The following LSP1 variants were observed in gnomAD, a reference collection of about 807,000 sequenced individuals.
LSP1 encodes lymphocyte-specific protein 1.
In LSP1, 32 loss-of-function variants were observed where a neutral mutation model predicts 49.3. The observed-to-expected ratio is 0.65, with a 90% confidence interval of 0.49 to 0.87. The LOEUF is 0.87. LSP1 is among the 40% of genes least tolerant of loss of function. The pLI is 0.00. For synonymous variants in LSP1, 179 were observed against 178.8 expected (o/e 1.00, Z -0.01); for missense variants, 428 against 442.6 (o/e 0.97, Z 0.30).
chr11:1,853,913 A>G lies in LSP1; in HGVS notation c.53+716A>G, dbSNP rs889582379. Among the ~76,000 whole-genome samples, 3 of 152,110 alleles carry G rather than the reference A, an allele frequency of 2.0e-5. No homozygotes were observed. The East Asian group carries it at 5.8e-4, about 29-fold the overall frequency. On this transcript the variant is annotated intron_variant, in intron 1 of 10. Transcript: ENST00000311604. ...CGGGCAGCTGTACTCTGTGGTACCAATGGGCATCCAGCCCTGTGCTGGGGT... is the reference window on the plus strand; with the variant it reads ...CGGGCAGCTGTACTCTGTGGTACCAGTGGGCATCCAGCCCTGTGCTGGGGT...
At chr11:1,885,963 C>G (rs539596135) in intron 7 of LSP1, among the ~76,000 whole-genome samples, 5 of 151,854 alleles carry the variant, frequency 3.3e-5, no homozygotes, top group African/African-American at 7.3e-5. Context: ...CAACCAACAT[C>G]CTTCTATCCA....
chr11:1,887,642 C>A, intron 10 of LSP1, 66 bp downstream of exon 10: 1 of 1,341,262 alleles, frequency 7.5e-7, no homozygotes, highest in African/African-American at 1.5e-5. Flanking sequence ...GGGAACTTGG[C>A]AACCTGGAGG....
At chr11:1,858,642 G>A (rs1285811395) in intron 1 of LSP1, among the ~76,000 whole-genome samples, 1 of 152,220 alleles carries the variant, frequency 6.6e-6, no homozygotes, top group Non-Finnish European at 1.5e-5. Context: ...AGAGGGAAGC[G>A]AGCGGGCTGG....
chr11:1,870,075 G>A (rs984853204), intron 1 of LSP1: 11 of 450,470 alleles, frequency 2.4e-5, no homozygotes, highest in African/African-American at 1.2e-4. Flanking sequence ...CGCCCCTGGC[G>A]ACCATTGTGA....
In LSP1 at chr11:1,887,566, G is replaced by C. The variant is rs371796282; in HGVS notation, c.*3G>C. Reference sequence around the variant, plus strand: ...TGGAAGGGGGCCCGGCTCCCTAGGCGTCCCATCTCGGTGAGTCCCTGGCAA... The same window carrying C: ...TGGAAGGGGGCCCGGCTCCCTAGGCCTCCCATCTCGGTGAGTCCCTGGCAA... On this transcript the variant is annotated 3_prime_UTR_variant, in exon 10 of 11. Coordinates refer to ENST00000311604, the MANE Select transcript of LSP1 (RefSeq NM_002339.3). 4.3e-6 allele frequency: 7 copies of C among 1,613,354 alleles called. No individual in the cohort carries two copies. Among genetic ancestry groups the C allele is most frequent in the Non-Finnish European group, 5.9e-6 (7 of 1,179,730 alleles).
intron 1 of LSP1, chr11:1,870,703 G>T: frequency 2.0e-6 from 2 of 1,020,610 alleles, no homozygotes; most frequent in Non-Finnish European, 2.4e-6. Context: ...CTCTGGTTGC[G>T]TGGAGGATGG....
In LSP1 at chr11:1,889,682, G is replaced by T. The variant is rs971881295; in HGVS notation, c.*14-2091G>T. ...ACACTCGCTCGGCCTCAGCGGCGGG[G>T]CCAGCCATCGGGGGCTCCTCCAGGT... On this transcript the variant is annotated intron_variant, in intron 10 of 10. Transcript: ENST00000311604. 1.3e-5 allele frequency: 8 copies of T among 635,304 alleles called. No homozygotes were observed. In the African/African-American group the frequency reaches 1.5e-4, roughly 12 times the overall value. The allele number at this position is 635,304 out of a possible 1,614,324, so 39.4% of individuals were successfully genotyped here. A position where few individuals can be genotyped will look rare whatever the true frequency, so the allele number is the denominator to read the frequency against.
intron 1 of LSP1, among the ~76,000 whole-genome samples, chr11:1,871,916 T>C (rs12793163): frequency 1.6e-3 from 158 of 100,508 alleles, no homozygotes; most frequent in Middle Eastern, 8.5e-3. Context: ...GCGTGGGCAC[T>C]TTTGGGAGGG....
In LSP1 at chr11:1,886,839, G is replaced by C. The variant is rs775783036; in HGVS notation, c.825G>C (p.Gln275His). 1.9e-6 allele frequency: 3 copies of C among 1,611,686 alleles called. No homozygotes were observed. Among genetic ancestry groups the C allele is most frequent in the Non-Finnish European group, 2.5e-6 (3 of 1,179,764 alleles). Reference sequence around the variant, plus strand: ...GGGAGACGGGTGAGGTACAGGCTCAGTCTGCGGCCAAGACTCCGTCCTGCA... The same window carrying C: ...GGGAGACGGGTGAGGTACAGGCTCACTCTGCGGCCAAGACTCCGTCCTGCA... ...SRWETGEVQA[Q>H]SAAKTPSCKD... The change falls in exon 8 of 11, where the codon CAG becomes CAC. Residue 275 changes from glutamine (Q) to histidine (H), a missense_variant. By Grantham distance (24) the Gln-to-His change is conservative. Coordinates refer to ENST00000311604, the MANE Select transcript of LSP1 (RefSeq NM_002339.3).
chr11:1,865,347 T>C (rs2133067587), intron 1 of LSP1: 1 of 581,926 alleles, frequency 1.7e-6, no homozygotes, highest in Non-Finnish European at 2.2e-6. Context: ...CCACTGGGCC[T>C]CCCCCCAGCT....
At chr11:1,877,537 C>T (rs936032557) in intron 1 of LSP1, among the ~76,000 whole-genome samples, 8 of 152,184 alleles carry the variant, frequency 5.3e-5, no homozygotes, top group South Asian at 2.1e-4. Flanking sequence ...ACCTGGGCCT[C>T]GTGCCAGGGC....
intron 10 of LSP1, chr11:1,889,740 T>C (rs1229996293): frequency 1.5e-6 from 1 of 656,912 alleles, no homozygotes; most frequent in African/African-American, 1.8e-5. Flanking sequence ...GACCAGGCTG[T>C]GCGGTGAGGA....
At chr11:1,880,319 G>C (rs1848486816) in intron 2 of LSP1, 95 bp downstream of exon 2, 2 of 1,378,606 alleles carry the variant, frequency 1.5e-6, no homozygotes, top group Non-Finnish European at 1.9e-6. Flanking sequence ...GGGCTTGGGG[G>C]TTCCAGTGCA....
intron 10 of LSP1, chr11:1,889,666 C>A: frequency 1.6e-6 from 1 of 632,082 alleles, no homozygotes; most frequent in Admixed American, 2.8e-5. Flanking sequence ...GACACTCGCT[C>A]GGCCTCAGCG....
Position 1,883,512 on chromosome 11 carries a change from T to G in LSP1, c.450T>G (p.Thr150=), listed in dbSNP as rs1298453737. 6.2e-7 allele frequency: 1 copy of G among 1,613,850 alleles called. No homozygotes were observed. Among genetic ancestry groups the G allele is most frequent in the Admixed American group, 1.7e-5 (1 of 60,012 alleles). The part of the protein sequence containing the change: ...LSKEGPGPED[T]VQDNLGAAGA... ...AGGAGGGGCCAGGCCCAGAGGACAC[T>G]GTCCAGGACAACCTGGGGGCCGCAG... The change falls in exon 4 of 11, where the codon ACT becomes ACG. Residue 150 remains threonine, a synonymous_variant. Transcript: ENST00000311604.
At chr11:1,855,263 G>T (rs1214405452) in intron 1 of LSP1, among the ~76,000 whole-genome samples, 1 of 152,204 alleles carries the variant, frequency 6.6e-6, no homozygotes, top group Non-Finnish European at 1.5e-5. Context: ...CTGCACCCAG[G>T]CAGGGATGTA....
intron 1 of LSP1, among the ~76,000 whole-genome samples, chr11:1,873,032 C>G (rs1301521615): frequency 1.3e-5 from 2 of 151,946 alleles, no homozygotes; most frequent in African/African-American, 2.4e-5. Context: ...CCCAGAGGAA[C>G]AGACCCCTCC....
Position 1,884,462 on chromosome 11 carries a change from T to G in LSP1, c.636-38T>G. 6.2e-7 allele frequency: 1 copy of G among 1,605,154 alleles called. No individual in the cohort carries two copies. Among genetic ancestry groups the G allele is most frequent in the South Asian group, 1.1e-5 (1 of 90,900 alleles). ...CTTGGGCAGGTTGGGAGAAGCCTTG[T>G]GGGAGACATGGGGCCTGACACATCT... On this transcript the variant is annotated intron_variant, in intron 6 of 10. Coordinates refer to ENST00000311604, the MANE Select transcript of LSP1 (RefSeq NM_002339.3). This position sits in a 1 kb window ranked among gnomAD's most constrained non-coding sequence, Gnocchi z 4.1.
At chr11:1,861,949 G>A (rs1847650276) in intron 1 of LSP1, among the ~76,000 whole-genome samples, 1 of 151,694 alleles carries the variant, frequency 6.6e-6, no homozygotes, top group African/African-American at 2.4e-5. Context: ...GTGGATGGAT[G>A]GGTGGATGGA....
Sources: allele counts gnomAD v4.1 joint callset (sites outside exome capture counted in the v4.1 genomes callset), GRCh38; gene constraint gnomAD v4.1.1; non-coding constraint Gnocchi (gnomAD v3.1); transcripts MANE v1.5; gene names NCBI Gene and HGNC (gene_info 2026-07-23, HGNC 2026-07-21).